Variants in CELA2A observed in about 807,000 individuals in gnomAD.
CELA2A encodes chymotrypsin-like elastase family member 2A.
A neutral mutation model predicts 35.3 loss-of-function variants in CELA2A; 31 were observed. The ratio of observed to expected loss-of-function variants is 0.88; its 90% confidence interval spans 0.66 to 1.19. The LOEUF is 1.19. Among genes scored for constraint, CELA2A ranks in the 50% most tolerant of loss-of-function variants. The pLI, the probability that CELA2A is intolerant of heterozygous loss-of-function variation, is 0.00. For missense variants in CELA2A, 330 were observed against 352.9 expected (o/e 0.94, Z 0.52); for synonymous variants, 150 against 149.8 (o/e 1.00, Z -0.01).
rs1708454873 is a variant in CELA2A at position 15,462,817 on chromosome 1, G to A, written c.312G>A (p.Lys104=). ...GCTCGCTGGCAGTCAGTGTCTCTAA[G>A]ATTGTGGTGCACAAGGACTGGAACT... The part of the protein sequence containing the change: ...ESGSLAVSVS[K]IVVHKDWNSN... Residue 104 remains lysine, a synonymous_variant, in exon 4 of 8, where the codon AAG becomes AAA. Coordinates refer to ENST00000359621, the MANE Select transcript of CELA2A (RefSeq NM_033440.3). 1.2e-6 allele frequency: 2 copies of A among 1,614,054 alleles called. No individual in the cohort carries two copies. The highest frequency in any genetic ancestry group is 1.3e-5 in the African/African-American group (1 of 74,926).
In CELA2A at chr1:15,459,971, A is replaced by C. The variant is rs935852606; in HGVS notation, c.130-1590A>C. Among the ~76,000 whole-genome samples the C allele has an allele frequency of 5.3e-5, 8 of 152,074 alleles. 1 individual carries two copies. Among genetic ancestry groups the C allele is most frequent in the African/African-American group, 1.9e-4 (8 of 41,480 alleles). ...TCAAAAAAAAAAAAAAAATACAAAC[A>C]AACAAAAAACCTCACTAACGAAGAT... On this transcript the variant is annotated intron_variant, in intron 2 of 7. Transcript: ENST00000359621.
chr1:15,466,609 A>G (rs1388545730), intron 6 of CELA2A, among the ~76,000 whole-genome samples: 3 of 151,238 alleles, frequency 2.0e-5, no homozygotes, highest in Non-Finnish European at 2.9e-5. Flanking sequence ...TTGTTTTGAG[A>G]TGTTTTGAGA....
At chr1:15,470,561 C>T in intron 7 of CELA2A, among the ~76,000 whole-genome samples, 1 of 152,082 alleles carries the variant, frequency 6.6e-6, no homozygotes, top group Non-Finnish European at 1.5e-5. Flanking sequence ...TCCAATTCCA[C>T]TCTCCAGAGG....
At chr1:15,471,416 T>C (rs1476799751) in intron 7 of CELA2A, among the ~76,000 whole-genome samples, 1 of 152,080 alleles carries the variant, frequency 6.6e-6, no homozygotes, top group East Asian at 1.9e-4. Flanking sequence ...GGCATGGTGG[T>C]GCATGACTAT....
At chr1:15,457,354 G>A (rs758196927) in intron 2 of CELA2A, 180 bp downstream of exon 2, 3 of 624,356 alleles carry the variant, frequency 4.8e-6, no homozygotes, top group South Asian at 1.9e-5. Flanking sequence ...GCTCATGCCT[G>A]TTATCCCAGC....
intron 2 of CELA2A, 59 bp downstream of exon 2, chr1:15,457,233 T>G: frequency 1.3e-6 from 2 of 1,529,742 alleles, no homozygotes; most frequent in Admixed American, 3.4e-5. Flanking sequence ...ACATCTCCCC[T>G]TTGCCCTTCC....
intron 2 of CELA2A, 52 bp from the exon 3 acceptor site, chr1:15,461,509 G>T: frequency 6.3e-7 from 1 of 1,599,658 alleles, no homozygotes; most frequent in Non-Finnish European, 8.6e-7. Context: ...TGGAGTGCAG[G>T]GAGGCCCTGC....
At chr1:15,462,886 G>A (rs748074322) in intron 4 of CELA2A, 25 bp downstream of exon 4, 2 of 1,613,968 alleles carry the variant, frequency 1.2e-6, no homozygotes, top group African/African-American at 2.7e-5. Context: ...GGGTGCACTT[G>A]GGGGTGAGGT....
rs1470447380 is a variant in CELA2A, at chr1:15,457,193, A to G, written c.129+19A>G. ...CTGGCAGGTGAGTTGACCACACTGTACTTCTCCCCGTCCCTGCCCCACTCC... is the reference window on the plus strand; with the variant it reads ...CTGGCAGGTGAGTTGACCACACTGTGCTTCTCCCCGTCCCTGCCCCACTCC... On this transcript the variant is annotated intron_variant, in intron 2 of 7. Transcript: ENST00000359621. 1 of 1,611,424 alleles carries G rather than the reference A, an allele frequency of 6.2e-7. No homozygotes were observed. Among genetic ancestry groups the G allele is most frequent in the Non-Finnish European group, 8.5e-7 (1 of 1,177,710 alleles).
At chr1:15,462,548 T>C (rs1708449867) in intron 3 of CELA2A, among the ~76,000 whole-genome samples, 185 bp from the exon 4 acceptor site, 1 of 152,232 alleles carries the variant, frequency 6.6e-6, no homozygotes, top group East Asian at 1.9e-4. Flanking sequence ...AATTATTATA[T>C]GATCATAGTT....
At chr1:15,462,581 C>T (rs1413756540) in intron 3 of CELA2A, 152 bp from the exon 4 acceptor site, 2 of 861,560 alleles carry the variant, frequency 2.3e-6, no homozygotes, top group East Asian at 2.5e-5. Flanking sequence ...ACTTTAGGCC[C>T]TATTATAACT....
chr1:15,462,231 C>G (rs1472239584), intron 3 of CELA2A: 2 of 469,400 alleles, frequency 4.3e-6, no homozygotes, highest in African/African-American at 4.0e-5. Context: ...GACTCCCTAC[C>G]AGGAGTGATC....
At position 15,463,540 on chromosome 1, in the gene CELA2A, G is replaced by A. The variant is rs1418863502; in HGVS notation, c.493+18G>A. On this transcript the variant is annotated intron_variant, in intron 5 of 7. Transcript: ENST00000359621. ...GCTGCAGAGTAAGTGGGAGCCAGGAGCCCCCAGGCCTGGGAGGGAAGGGAG... is the reference window on the plus strand; with the variant it reads ...GCTGCAGAGTAAGTGGGAGCCAGGAACCCCCAGGCCTGGGAGGGAAGGGAG... The A allele has an allele frequency of 1.2e-6, 2 of 1,612,796 alleles. No individual in the cohort carries two copies. The highest frequency in any genetic ancestry group is 8.5e-7 in the Non-Finnish European group (1 of 1,179,150).
chr1:15,456,853 T>C, intron 1 of CELA2A, 60 bp downstream of exon 1: 4 of 1,608,698 alleles, frequency 2.5e-6, no homozygotes, highest in African/African-American at 1.3e-5. Flanking sequence ...GGAAATGGGA[T>C]CTTCCTGTCC....
intron 2 of CELA2A, 37 bp from the exon 3 acceptor site, chr1:15,461,524 T>C (rs1451583882): frequency 1.2e-6 from 2 of 1,611,120 alleles, no homozygotes; most frequent in East Asian, 4.5e-5. Context: ...CCCTGCTCTT[T>C]CAAACCTAGC....
chr1:15,470,375 G>T (rs1708574984), intron 7 of CELA2A, among the ~76,000 whole-genome samples: 1 of 152,142 alleles, frequency 6.6e-6, no homozygotes, highest in Non-Finnish European at 1.5e-5. Context: ...GAGACAAGTG[G>T]CCTGGGGCAT....
At chr1:15,464,012 A>G (rs1708477430) in intron 5 of CELA2A, among the ~76,000 whole-genome samples, 1 of 152,158 alleles carries the variant, frequency 6.6e-6, no homozygotes, top group Admixed American at 6.5e-5. Context: ...AGATTTCGCT[A>G]CTGCACTCCA....
At chr1:15,469,878 G>A (rs950831237) in intron 7 of CELA2A, among the ~76,000 whole-genome samples, 7 of 152,180 alleles carry the variant, frequency 4.6e-5, no homozygotes, top group Middle Eastern at 3.4e-3. Flanking sequence ...GCTGCTGTGG[G>A]AGTCACCATG....
At chr1:15,457,354 G>T in intron 2 of CELA2A, 180 bp downstream of exon 2, 3 of 624,356 alleles carry the variant, frequency 4.8e-6, no homozygotes, top group Non-Finnish European at 8.5e-6. Flanking sequence ...GCTCATGCCT[G>T]TTATCCCAGC....
Sources: allele counts gnomAD v4.1 joint callset (sites outside exome capture counted in the v4.1 genomes callset), GRCh38; gene constraint gnomAD v4.1.1; transcripts MANE v1.5; gene names NCBI Gene and HGNC (gene_info 2026-07-23, HGNC 2026-07-21).